Variants in TJP2 observed in about 807,000 individuals in gnomAD.
The protein encoded by TJP2 is Friedreich ataxia region gene X104 (tight junction protein ZO-2).
A neutral mutation model predicts 133.1 loss-of-function variants in TJP2; 91 were observed. The ratio of observed to expected loss-of-function variants is 0.68; its 90% confidence interval spans 0.58 to 0.81. TJP2 has a LOEUF of 0.81. Among genes scored for constraint, TJP2 ranks in the 40% least tolerant of loss-of-function variants. The pLI, the probability that TJP2 is intolerant of heterozygous loss-of-function variation, is 0.00. For missense variants in TJP2, 1,541 were observed against 1,565.6 expected, an observed-to-expected ratio of 0.98 and a Z score of 0.26; for synonymous variants, 592 against 583.4, an observed-to-expected ratio of 1.01 and a Z score of -0.21.
At chr9:69,213,759 C>T (rs1280957721) in intron 2 of TJP2, among the ~76,000 whole-genome samples, 1 of 152,170 alleles carries the variant, frequency 6.6e-6, no homozygotes, top group East Asian at 1.9e-4. Flanking sequence ...GCATTTCATG[C>T]ATTCCTTGAG....
chr9:69,251,227 G>A lies in TJP2; in HGVS notation c.3184G>A (p.Glu1062Lys). The change falls in exon 21 of 23, where the codon GAG (glutamate) becomes AAG (lysine). Residue 1062 changes from glutamate to lysine, a missense_variant. Coordinates refer to ENST00000377245, the MANE Select transcript of TJP2 (RefSeq NM_004817.4). The part of the protein sequence containing the change: ...PSTPIPPQEG[E>K]EVGESSEEQD... Reference sequence around the variant, plus strand: ...CACTCCCATCCCTCCTCAAGAGGGTGAGGAGGTGGGAGAGAGCAGTGAGGA... The same window carrying A: ...CACTCCCATCCCTCCTCAAGAGGGTAAGGAGGTGGGAGAGAGCAGTGAGGA... 1.2e-6 allele frequency: 2 copies of A among 1,614,192 alleles called. No individual in the cohort carries two copies. The highest frequency in any genetic ancestry group is 1.7e-6 in the Non-Finnish European group (2 of 1,180,036).
chr9:69,161,214 A>ATGTGTGTGTGTGTGTGTGTG (rs111442939), intron 2 of TJP2, among the ~76,000 whole-genome samples: 5 of 148,312 alleles, frequency 3.4e-5, no homozygotes, highest in African/African-American at 1.2e-4. Context: ...GTCATCAGTG[A>ATGTGTGTGTGTGTGTGTGTG]TGTGTGTGTG....
chr9:69,142,437 G>A (rs1823055071), intron 1 of TJP2, among the ~76,000 whole-genome samples: 1 of 152,130 alleles, frequency 6.6e-6, no homozygotes, highest in Non-Finnish European at 1.5e-5. Flanking sequence ...TAGCAAATAT[G>A]TAAAGATATT....
chr9:69,151,492 A>AAT (rs1823476549), intron 1 of TJP2, among the ~76,000 whole-genome samples: 2 of 151,886 alleles, frequency 1.3e-5, no homozygotes, highest in African/African-American at 4.8e-5. Context: ...AAAAAAAAAA[A>AAT]AAAGGATTGT....
chr9:69,163,733 C>G (rs1459132395), intron 2 of TJP2, among the ~76,000 whole-genome samples: 1 of 152,102 alleles, frequency 6.6e-6, no homozygotes, highest in East Asian at 1.9e-4. Flanking sequence ...TCAGCCCTCC[C>G]AAAGTGCTGG....
intron 7 of TJP2, among the ~76,000 whole-genome samples, chr9:69,227,429 T>G (rs1372311487): frequency 6.6e-6 from 1 of 152,194 alleles, no homozygotes; most frequent in African/African-American, 2.4e-5. Flanking sequence ...TGTATGCACC[T>G]TAAAGTTTGA....
At chr9:69,240,413 A>T (rs1830500661) in intron 17 of TJP2, among the ~76,000 whole-genome samples, 1 of 152,210 alleles carries the variant, frequency 6.6e-6, no homozygotes, top group African/African-American at 2.4e-5. Context: ...TTCCTGTGAG[A>T]CTATAAGGCT....
At chr9:69,172,637 A>G (rs935176481), upstream of TJP2, among the ~76,000 whole-genome samples, 4 of 152,254 alleles carry the variant, frequency 2.6e-5, no homozygotes, top group Admixed American at 1.3e-4. Context: ...CTCTAAGCCC[A>G]CATCATTAAG....
intron 18 of TJP2, among the ~76,000 whole-genome samples, chr9:69,247,051 C>T (rs749795409): frequency 2.6e-5 from 4 of 152,222 alleles, no homozygotes; most frequent in Non-Finnish European, 5.9e-5. Context: ...ATTCCAAGTA[C>T]ACTAATCAGA....
Position 69,237,811 on chromosome 9 carries a change from A to G in TJP2, c.2180-67A>G. 3.5e-6 allele frequency: 4 copies of G among 1,145,942 alleles called. No homozygotes were observed. The South Asian group carries it at 5.0e-5, about 14-fold the overall frequency. The allele number at this position is 1,145,942 out of a possible 1,614,324, so 71.0% of individuals were successfully genotyped here. A position where few individuals can be genotyped will look rare whatever the true frequency, so the allele number is the denominator to read the frequency against. On this transcript the variant is annotated intron_variant, in intron 14 of 22. Coordinates refer to ENST00000377245, the MANE Select transcript of TJP2 (RefSeq NM_004817.4). ...TTATGTTATCAAAAGCCCATACAAT[A>G]CTTTTACTGCTTATCATAACAGCTA... is the stretch of plus-strand genomic sequence containing the variant.
intron 2 of TJP2, among the ~76,000 whole-genome samples, chr9:69,164,704 A>G (rs1824257785): frequency 6.6e-6 from 1 of 152,228 alleles, no homozygotes; most frequent in Admixed American, 6.5e-5. Context: ...CTAAAAGGAA[A>G]GCAACAATAA....
Position 69,248,130 on chromosome 9 carries a change from G to A in TJP2, c.2786G>A (p.Gly929Glu), listed in dbSNP as rs1831058531. Residue 929 changes from glycine to glutamate, a missense_variant, in exon 19 of 23, where the codon GGA becomes GAA. By Grantham distance (98) the Gly-to-Glu change is moderately conservative. Coordinates refer to ENST00000377245, the MANE Select transcript of TJP2 (RefSeq NM_004817.4). The stretch of plus-strand genomic sequence containing the variant: ...GACTTTGAAGACACGGACGGTGAAG[G>A]AGGCGCCTACACTGACAATGAGCTG... Reference protein sequence around the residue: ...ISDFEDTDGEGGAYTDNELDE... With the variant: ...ISDFEDTDGEEGAYTDNELDE... 6.2e-7 allele frequency: 1 copy of A among 1,614,076 alleles called. No individual in the cohort carries two copies. The highest frequency in any genetic ancestry group is 8.5e-7 in the Non-Finnish European group (1 of 1,180,040).
At chr9:69,251,502 A>G in intron 21 of TJP2, 138 bp downstream of exon 21, 2 of 890,136 alleles carry the variant, frequency 2.2e-6, no homozygotes, top group South Asian at 3.1e-5. Context: ...TGTGTATGTC[A>G]CTTCAGATTG....
intron 11 of TJP2, among the ~76,000 whole-genome samples, chr9:69,232,192 T>G (rs1031217955): frequency 1.1e-4 from 16 of 152,222 alleles, no homozygotes; most frequent in African/African-American, 3.9e-4. Flanking sequence ...TCTTTTGCTG[T>G]CATCCCATAT....
chr9:69,191,053 T>C (rs1826172131), intron 1 of TJP2, among the ~76,000 whole-genome samples: 2 of 152,206 alleles, frequency 1.3e-5, no homozygotes. Context: ...GGGAAGATGC[T>C]GGCTGCATGA....
intron 1 of TJP2, 139 bp from the exon 2 acceptor site, chr9:69,212,409 T>C: frequency 1.4e-6 from 1 of 697,008 alleles, no homozygotes; most frequent in Non-Finnish European, 2.6e-6. Flanking sequence ...ATAGGTAGCA[T>C]AATGAACAGA....
At chr9:69,207,171 C>T (rs146335759) in intron 1 of TJP2, among the ~76,000 whole-genome samples, 15 of 152,126 alleles carry the variant, frequency 9.9e-5, no homozygotes, top group African/African-American at 3.6e-4. Context: ...ATTTTGTTGG[C>T]AATTTTTTAC....
chr9:69,147,116 G>A (rs1187730961), intron 1 of TJP2, among the ~76,000 whole-genome samples: 1 of 152,208 alleles, frequency 6.6e-6, no homozygotes, highest in Non-Finnish European at 1.5e-5. Flanking sequence ...GGTTAATGCT[G>A]TTCAGCCAGG....
chr9:69,242,048 C>T (rs542678138), intron 17 of TJP2, among the ~76,000 whole-genome samples: 2 of 152,150 alleles, frequency 1.3e-5, no homozygotes, highest in Non-Finnish European at 2.9e-5. Context: ...TTGGGATTCA[C>T]GTGAGGATGT....
Sources: gnomAD v4.1 joint callset for allele counts (sites outside exome capture counted in the v4.1 genomes callset) on GRCh38, gnomAD v4.1.1 for gene constraint, MANE v1.5 for transcripts, NCBI Gene and HGNC (gene_info 2026-07-23, HGNC 2026-07-21) for gene names.